The following LRP1 variants were observed in gnomAD, a reference collection of about 807,000 sequenced individuals.
LRP1 encodes LDL receptor related protein 1, also known as prolow-density lipoprotein receptor-related protein 1.
LRP1 carries 51 observed loss-of-function variants against 541.5 expected under a neutral mutation model. The ratio of observed to expected loss-of-function variants is 0.09; its 90% CI spans 0.08 to 0.12. The LOEUF is 0.12. Ranked by LOEUF, LRP1 falls within the 10% of genes least tolerant of loss-of-function variation. The pLI is 1.00. For missense variants in LRP1, 3,878 were observed against 6,376.2 expected (o/e 0.61, Z 13.34); for synonymous variants, 2,219 against 2,470.8 (o/e 0.90, Z 3.02).
chr12:57,183,940 G>A lies in LRP1; in HGVS notation c.5929+31G>A, dbSNP rs990693681. Reference sequence around the variant, plus strand: ...CAGTGGGCAGGTTTGTGGGGCTTGGGGTGTGGCAGAGGACTGGGGGACGAA... The same window carrying A: ...CAGTGGGCAGGTTTGTGGGGCTTGGAGTGTGGCAGAGGACTGGGGGACGAA... On this transcript the variant is annotated intron_variant, in intron 36 of 88. Transcript: ENST00000243077. The surrounding 1 kb of genome is among the most constrained non-coding windows in gnomAD (Gnocchi z 6.1). The A allele has an allele frequency of 2.5e-6, 4 of 1,613,502 alleles. No homozygotes were observed. Among genetic ancestry groups the A allele is most frequent in the Non-Finnish European group, 2.5e-6 (3 of 1,179,786 alleles).
chr12:57,158,295 T>C lies in LRP1; in HGVS notation c.1562-107T>C. The C allele has an allele frequency of 1.1e-6, 1 of 890,102 alleles. No individual in the cohort carries two copies. Among genetic ancestry groups the C allele is most frequent in the Non-Finnish European group, 1.8e-6 (1 of 562,942 alleles). The allele number at this position is 890,102 out of a possible 1,614,324, so 55.1% of individuals were successfully genotyped here. A position where few individuals can be genotyped will look rare whatever the true frequency, so the allele number is the denominator to read the frequency against. On this transcript the variant is annotated intron_variant, in intron 10 of 88. Transcript: ENST00000243077. The surrounding 1 kb of genome is among the most constrained non-coding windows in gnomAD (Gnocchi z 5.3). ...CCCAGAGCCTCGCATCCCTAACGTCTCCTGACCCATCACAGCTAGGGCATT... is the reference window on the plus strand; with the variant it reads ...CCCAGAGCCTCGCATCCCTAACGTCCCCTGACCCATCACAGCTAGGGCATT...
In LRP1 at chr12:57,205,853, TG is replaced by T. The variant is rs561567573; in HGVS notation, c.11590+180del. On this transcript the variant is annotated intron_variant, in intron 75 of 88. Transcript: ENST00000243077. This position sits in a 1 kb window ranked among gnomAD's most constrained non-coding sequence, Gnocchi z 4.6. ...CTGGCCCAGCAGTGGGGGCAGGTCC[TG>T]GGGCTGGCTGACTGAAGGAGTCTGG... 1,145 of 953,222 alleles carry T rather than the reference TG, an allele frequency of 1.2e-3. 4 individuals carry two copies. The highest frequency in any genetic ancestry group is 2.7e-3 in the Middle Eastern group (8 of 2,940). 59.0% of individuals were successfully genotyped at this position (953,222 alleles called of 1,614,324 possible).
In LRP1 at chr12:57,201,179, C is replaced by T. The variant is rs376325087; in HGVS notation, c.10345+26C>T. 39 of 1,612,306 alleles carry T rather than the reference C, an allele frequency of 2.4e-5. No homozygotes were observed. The Admixed American group carries it at 4.2e-4, about 17-fold the overall frequency. ...GTGAGTGTCAGAGGTGGTGGTGGGC[C>T]GGTGGTGGGAGATGACACGGAAGCA... is the stretch of plus-strand genomic sequence containing the variant. On this transcript the variant is annotated intron_variant, in intron 65 of 88. Transcript: ENST00000243077. This position sits in a 1 kb window ranked among gnomAD's most constrained non-coding sequence, Gnocchi z 6.4.
In LRP1 at chr12:57,173,459, G is replaced by C; in HGVS notation, c.3346+109G>C. 3.2e-6 allele frequency: 4 copies of C among 1,254,970 alleles called. No individual in the cohort carries two copies. The highest frequency in any genetic ancestry group is 3.3e-6 in the Non-Finnish European group (3 of 903,284). The allele number at this position is 1,254,970 out of a possible 1,614,324, so 77.7% of individuals were successfully genotyped here. A position where few individuals can be genotyped will look rare whatever the true frequency, so the allele number is the denominator to read the frequency against. ...GGATGGCACTGTGCTGTGTGGAGTG[G>C]TGCTGGGGACAGTGCAAGGCAAAAG... On this transcript the variant is annotated intron_variant, in intron 21 of 88. Coordinates refer to ENST00000243077, the MANE Select transcript of LRP1 (RefSeq NM_002332.3). The surrounding 1 kb of genome is among the most constrained non-coding windows in gnomAD (Gnocchi z 4.7).
chr12:57,131,099 A>G (rs1262528998), intron 1 of LRP1, among the ~76,000 whole-genome samples: 1 of 152,100 alleles, frequency 6.6e-6, no homozygotes, highest in Non-Finnish European at 1.5e-5. Context: ...GTCCATCAAC[A>G]TTGAACTTTC....
rs757846231 is a variant in LRP1, at chr12:57,210,785, C to T, written c.12822C>T (p.Gly4274=). 6.8e-6 allele frequency: 11 copies of T among 1,613,580 alleles called. No individual in the cohort carries two copies. Among genetic ancestry groups the T allele is most frequent in the Admixed American group, 1.7e-5 (1 of 60,034 alleles). Residue 4274 remains glycine (G), a synonymous_variant, in exon 83 of 89, where the codon GGC becomes GGT. Transcript: ENST00000243077. ...AATGCACCCAGCAGGTGTGTGCGGGCTACTGTGCCAACAACAGCACCTGCA... is the reference window on the plus strand; with the variant it reads ...AATGCACCCAGCAGGTGTGTGCGGGTTACTGTGCCAACAACAGCACCTGCA... ...GPKCTQQVCA[G]YCANNSTCTV...
intron 53 of LRP1, 21 bp downstream of exon 53, chr12:57,195,801 G>A (rs2136731063): frequency 5.0e-6 from 8 of 1,614,106 alleles, no homozygotes; most frequent in Non-Finnish European, 6.8e-6. Context: ...GGCGGTGGTG[G>A]GAGGAGGCCC....
intron 20 of LRP1, among the ~76,000 whole-genome samples, chr12:57,172,180 CTT>C (rs905079634): frequency 2.1e-5 from 3 of 142,298 alleles, no homozygotes; most frequent in Admixed American, 7.1e-5. Context: ...TCTTTTCTTT[CTT>C]TTTTTTTTGA....
At chr12:57,208,284 C>A (rs1370868325) in intron 77 of LRP1, 68 bp downstream of exon 77, 3 of 1,523,128 alleles carry the variant, frequency 2.0e-6, no homozygotes, top group Non-Finnish European at 2.7e-6. Context: ...GGGTTGGGGG[C>A]TGCACCCACA....
intron 10 of LRP1, among the ~76,000 whole-genome samples, chr12:57,157,753 G>A (rs1002699359): frequency 2.0e-5 from 3 of 152,276 alleles, no homozygotes; most frequent in African/African-American, 7.2e-5. Context: ...GGAGGAGCAT[G>A]TCCGGCAGAG....
chr12:57,200,086 G>A (rs2036616570), intron 62 of LRP1, 61 bp downstream of exon 62: 1 of 1,403,132 alleles, frequency 7.1e-7, no homozygotes. Context: ...AATCCTCCTT[G>A]GACCCCAACA....
At chr12:57,152,936 T>C (rs1334066218) in intron 6 of LRP1, among the ~76,000 whole-genome samples, 1 of 152,008 alleles carries the variant, frequency 6.6e-6, no homozygotes, top group Non-Finnish European at 1.5e-5. Context: ...GAGCAGCCCC[T>C]GAATCCCTGT....
Position 57,206,237 on chromosome 12 carries a change from A to G in LRP1, c.11591-236A>G, listed in dbSNP as rs114667438. On this transcript the variant is annotated intron_variant, in intron 75 of 88. Transcript: ENST00000243077. The surrounding 1 kb of genome is among the most constrained non-coding windows in gnomAD (Gnocchi z 4.7). ...AGTCTCTGGGTCTGGAGGGGCAGGG[A>G]CAGCTTTCTGACTGAAAGGAGCGGG... is the stretch of plus-strand genomic sequence containing the variant. Among the ~76,000 whole-genome samples, 1,764 of 152,346 alleles carry G rather than the reference A, an allele frequency of 0.012. 37 individuals are homozygous for G. Among genetic ancestry groups the G allele is most frequent in the African/African-American group, 0.039 (1,603 of 41,578 alleles).
intron 1 of LRP1, among the ~76,000 whole-genome samples, chr12:57,134,525 C>T (rs960062134): frequency 1.3e-5 from 2 of 152,122 alleles, no homozygotes; most frequent in Non-Finnish European, 2.9e-5. Context: ...GATCTCTGCT[C>T]ACTGCGACCT....
chr12:57,206,145 G>A lies in LRP1; in HGVS notation c.11591-328G>A, dbSNP rs953369258. ...ACACCCCATGTGCCTATGCACCCCC[G>A]AGCATGTGCCAGGCAGTTTGTAGCA... is the stretch of plus-strand genomic sequence containing the variant. On this transcript the variant is annotated intron_variant, in intron 75 of 88. Transcript: ENST00000243077. The surrounding 1 kb of genome is among the most constrained non-coding windows in gnomAD (Gnocchi z 4.7). Among the ~76,000 whole-genome samples the A allele has an allele frequency of 6.6e-6, 1 of 152,212 alleles. No homozygotes were observed.
chr12:57,211,850 G>A lies in LRP1; in HGVS notation c.13258+36G>A. On this transcript the variant is annotated intron_variant, in intron 86 of 88. Coordinates refer to ENST00000243077, the MANE Select transcript of LRP1 (RefSeq NM_002332.3). The surrounding 1 kb of genome is among the most constrained non-coding windows in gnomAD (Gnocchi z 4.3). ...GGGGTTGGGGCAGGCAGGGCCACCG[G>A]GACCTAGAGCAGGGGGACCGTGTGC... is the stretch of plus-strand genomic sequence containing the variant. 6.2e-7 allele frequency: 1 copy of A among 1,613,268 alleles called. No homozygotes were observed. Among genetic ancestry groups the A allele is most frequent in the South Asian group, 1.1e-5 (1 of 91,074 alleles).
Position 57,179,849 on chromosome 12 carries a change from C to T in LRP1, c.5034C>T (p.Asp1678=). The part of the protein sequence containing the change: ...VSRNLFWTSY[D]TNKKQINVAR... ...GAAACCTGTTCTGGACAAGCTATGA[C>T]ACCAATAAGAAGCAGATCAATGTGG... The change falls in exon 30 of 89, where the codon GAC becomes GAT. Residue 1678 remains aspartate (D), a synonymous_variant. Transcript: ENST00000243077. The surrounding 1 kb of genome is among the most constrained non-coding windows in gnomAD (Gnocchi z 6.8). 6.2e-7 allele frequency: 1 copy of T among 1,614,168 alleles called. No individual in the cohort carries two copies. Among genetic ancestry groups the T allele is most frequent in the Non-Finnish European group, 8.5e-7 (1 of 1,180,022 alleles).
Position 57,198,448 on chromosome 12 carries a change from T to G in LRP1, c.9471-17T>G. ...GGTTACGGGATCTCCCAGGGCTCAC[T>G]GCCTACCCATCGCCAGGTACCTGTA... On this transcript the variant is annotated splice_polypyrimidine_tract_variant and intron_variant, in intron 59 of 88. Coordinates refer to ENST00000243077, the MANE Select transcript of LRP1 (RefSeq NM_002332.3). The G allele has an allele frequency of 6.2e-7, 1 of 1,612,428 alleles. No homozygotes were observed. The highest frequency in any genetic ancestry group is 8.5e-7 in the Non-Finnish European group (1 of 1,178,922).
chr12:57,199,401 G>T lies in LRP1; in HGVS notation c.9865+1G>T. The T allele has an allele frequency of 6.2e-7, 1 of 1,607,210 alleles. No homozygotes were observed. ...TTCCATGCCCTGCGCCAGCCAGACG[G>T]TGAGCAGGCAAGGGGTGGGAGCAGG... is the stretch of plus-strand genomic sequence containing the variant. On this transcript the variant is annotated splice_donor_variant, in intron 61 of 88. Coordinates refer to ENST00000243077, the MANE Select transcript of LRP1 (RefSeq NM_002332.3). LOFTEE classifies it high-confidence loss of function.
Sources: gnomAD v4.1 joint callset for allele counts (sites outside exome capture counted in the v4.1 genomes callset) on GRCh38, gnomAD v4.1.1 for gene constraint, Gnocchi (gnomAD v3.1) non-coding constraint, MANE v1.5 for transcripts, NCBI Gene and HGNC (gene_info 2026-07-23, HGNC 2026-07-21) for gene names.